The following NEGR1 variants were observed in gnomAD, a reference collection of about 807,000 sequenced individuals.
NEGR1 encodes the protein IgLON family member 4.
A neutral mutation model predicts 40.9 loss-of-function variants in NEGR1; 10 were observed. The observed-to-expected ratio is 0.24, with a 90% CI of 0.15 to 0.42. The LOEUF is 0.42. Among genes scored for constraint, NEGR1 ranks in the 10% least tolerant of loss-of-function variants. The pLI, the probability that NEGR1 is intolerant of heterozygous loss-of-function variation, is 1.00. For missense variants in NEGR1, 352 were observed against 438.9 expected (o/e 0.80, Z 1.77); for synonymous variants, 185 against 166.8 (o/e 1.11, Z -0.84).
At chr1:71,993,409 C>T (rs969953929) in intron 1 of NEGR1, among the ~76,000 whole-genome samples, 1 of 152,166 alleles carries the variant, frequency 6.6e-6, no homozygotes, top group Non-Finnish European at 1.5e-5. Context: ...TTTACACTCT[C>T]CATGTCTCTC....
At chr1:72,199,981 T>C (rs1256453774) in intron 1 of NEGR1, among the ~76,000 whole-genome samples, 1 of 151,866 alleles carries the variant, frequency 6.6e-6, no homozygotes, top group Non-Finnish European at 1.5e-5. Flanking sequence ...TGAGACACCA[T>C]CTCACACCAG....
intron 3 of NEGR1, among the ~76,000 whole-genome samples, chr1:71,736,107 G>A (rs972264341): frequency 4.6e-5 from 7 of 152,010 alleles, no homozygotes; most frequent in African/African-American, 1.7e-4. Flanking sequence ...ATTGACCAAA[G>A]CCAGGCTAGC....
intron 2 of NEGR1, among the ~76,000 whole-genome samples, chr1:71,820,101 T>C (rs918513024): frequency 6.6e-6 from 1 of 152,012 alleles, no homozygotes; most frequent in Admixed American, 6.6e-5. Flanking sequence ...TTTTTGGTAA[T>C]GAAAGCTATA....
At chr1:72,142,953 G>A (rs1158775835) in intron 1 of NEGR1, among the ~76,000 whole-genome samples, 3 of 151,896 alleles carry the variant, frequency 2.0e-5, no homozygotes, top group Non-Finnish European at 4.4e-5. Flanking sequence ...GAAGGGATGT[G>A]TAAGGTCATT....
rs184295056 is a variant in NEGR1 at position 71,962,764 on chromosome 1, C to A, written c.177-27453G>T. 2.4e-4 allele frequency among the ~76,000 whole-genome samples: 33 copies of A among 135,706 alleles called. No homozygotes were observed. The East Asian group carries it at 6.6e-3, about 27-fold the overall frequency. The allele number at this position is 135,706 out of a possible 152,430, so 89.0% of individuals were successfully genotyped here. ...ACTTAGACTTTACTCTGTCTAAATT[C>A]TCCAAGTTTTTTTTTTTTTCTGTAA... On this transcript the variant is annotated intron_variant, in intron 1 of 6. Coordinates refer to ENST00000357731, the MANE Select transcript of NEGR1 (RefSeq NM_173808.3).
intron 2 of NEGR1, among the ~76,000 whole-genome samples, chr1:71,826,769 G>T (rs1658640406): frequency 6.6e-6 from 1 of 151,820 alleles, no homozygotes; most frequent in Admixed American, 6.6e-5. Flanking sequence ...TACTGACAAG[G>T]GCAGGGATAG....
chr1:71,435,460 T>C (rs1646503262), intron 6 of NEGR1, among the ~76,000 whole-genome samples: 1 of 151,972 alleles, frequency 6.6e-6, no homozygotes, highest in African/African-American at 2.4e-5. Context: ...CAGGTGCTGT[T>C]AAGGAAATCA....
At chr1:72,049,286 A>T (rs1647034872) in intron 1 of NEGR1, among the ~76,000 whole-genome samples, 1 of 151,670 alleles carries the variant, frequency 6.6e-6, no homozygotes, top group Admixed American at 6.6e-5. Flanking sequence ...GCTTTCAGTG[A>T]GCTATTCACT....
At chr1:71,921,845 G>T (rs1005561941) in intron 2 of NEGR1, among the ~76,000 whole-genome samples, 11 of 151,548 alleles carry the variant, frequency 7.3e-5, no homozygotes, top group African/African-American at 2.7e-4. Flanking sequence ...TAGGCTATTA[G>T]TAAAGTTTTT....
chr1:72,250,650 TA>T (rs1342442864), intron 1 of NEGR1, among the ~76,000 whole-genome samples: 2 of 152,198 alleles, frequency 1.3e-5, no homozygotes, highest in Admixed American at 1.3e-4. Flanking sequence ...CTTCATACAT[TA>T]AAGGGGCTTT....
chr1:71,712,733 A>G (rs1014255649), intron 3 of NEGR1, among the ~76,000 whole-genome samples: 4 of 152,124 alleles, frequency 2.6e-5, no homozygotes, highest in Admixed American at 1.3e-4. Context: ...TTCATATCCA[A>G]TTGGAGGATG....
intron 3 of NEGR1, among the ~76,000 whole-genome samples, chr1:71,710,669 A>AAAT (rs1466660989): frequency 1.3e-5 from 2 of 152,096 alleles, no homozygotes; most frequent in South Asian, 2.1e-4. Context: ...TGGTATCTAA[A>AAAT]AATAATAATA....
intron 4 of NEGR1, among the ~76,000 whole-genome samples, chr1:71,624,759 G>C (rs1650713089): frequency 6.6e-6 from 1 of 151,854 alleles, no homozygotes; most frequent in South Asian, 2.1e-4. Flanking sequence ...TTAAGGAGGT[G>C]CTCCCTGACC....
At chr1:71,586,086 A>G (rs932870734) in intron 6 of NEGR1, among the ~76,000 whole-genome samples, 29 of 152,124 alleles carry the variant, frequency 1.9e-4, no homozygotes, top group Non-Finnish European at 4.4e-5. Flanking sequence ...AGTATCTACA[A>G]TCCTTCATGA....
intron 3 of NEGR1, among the ~76,000 whole-genome samples, chr1:71,773,593 GT>G (rs1656403267): frequency 6.6e-6 from 1 of 152,038 alleles, no homozygotes; most frequent in African/African-American, 2.4e-5. Context: ...GCGTTGTGGG[GT>G]TTTCTTTTTC....
chr1:71,783,961 TC>T (rs2101727362), intron 2 of NEGR1, among the ~76,000 whole-genome samples: 1 of 152,238 alleles, frequency 6.6e-6, no homozygotes, highest in East Asian at 1.9e-4. Context: ...ACATTTCTAA[TC>T]ACAATGCAGA....
intron 6 of NEGR1, among the ~76,000 whole-genome samples, chr1:71,453,541 T>G (rs529070236): frequency 6.6e-6 from 1 of 152,268 alleles, no homozygotes; most frequent in East Asian, 1.9e-4. Flanking sequence ...TAGTCCAATT[T>G]TTTATGCCAA....
chr1:72,149,879 C>CAAAAAAAAAA (rs1180110033), intron 1 of NEGR1, among the ~76,000 whole-genome samples: 8 of 39,370 alleles, frequency 2.0e-4, no homozygotes, highest in Non-Finnish European at 3.0e-4. Context: ...AAAACTCTGT[C>CAAAAAAAAAA]AAAAAAAAAA....
intron 1 of NEGR1, among the ~76,000 whole-genome samples, chr1:71,951,797 A>T (rs1330764678): frequency 6.6e-6 from 1 of 151,858 alleles, no homozygotes; most frequent in Non-Finnish European, 1.5e-5. Flanking sequence ...TTCCAACAGC[A>T]TGTGCTCACT....
Sources: gnomAD v4.1 joint callset for allele counts (sites outside exome capture counted in the v4.1 genomes callset) on GRCh38, gnomAD v4.1.1 for gene constraint, MANE v1.5 for transcripts, NCBI Gene and HGNC (gene_info 2026-07-23, HGNC 2026-07-21) for gene names.